The following MACROD2 variants were observed in gnomAD, a reference collection of about 807,000 sequenced individuals.
MACROD2 encodes the protein mono-ADP ribosylhydrolase 2, also known as ADP-ribose glycohydrolase MACROD2.
Under a neutral mutation model 70.4 loss-of-function variants are expected in MACROD2, and 36 were observed. That is an observed-to-expected ratio of 0.51 (90% CI 0.39 to 0.68). The LOEUF is 0.68. MACROD2 is among the 30% of genes least tolerant of loss of function. The pLI, the probability that MACROD2 is intolerant of heterozygous loss-of-function variation, is 0.00. For missense variants in MACROD2, 496 were observed against 538.4 expected, an observed-to-expected ratio of 0.92 and a Z score of 0.78; for synonymous variants, 172 against 178.8, an observed-to-expected ratio of 0.96 and a Z score of 0.30.
intron 3 of MACROD2, among the ~76,000 whole-genome samples, chr20:14,259,165 A>G (rs1215809690): frequency 6.6e-6 from 1 of 151,440 alleles, no homozygotes; most frequent in African/African-American, 2.4e-5. Context: ...CTGATCTTGA[A>G]CTCCTGACCG....
intron 8 of MACROD2, among the ~76,000 whole-genome samples, chr20:15,650,586 A>C (rs188964341): frequency 3.6e-4 from 54 of 151,766 alleles, no homozygotes; most frequent in African/African-American, 1.3e-3. Flanking sequence ...AGAACTTATA[A>C]ATATACATTT....
intron 5 of MACROD2, among the ~76,000 whole-genome samples, chr20:14,927,180 C>T (rs892125577): frequency 6.6e-6 from 1 of 152,116 alleles, no homozygotes; most frequent in Non-Finnish European, 1.5e-5. Flanking sequence ...CTAAGAGCTT[C>T]TTGCAATCAC....
In MACROD2 at chr20:14,666,671, A is replaced by G. The variant is rs887860903; in HGVS notation, c.302-18172A>G. Among the ~76,000 whole-genome samples, 3 of 151,706 alleles carry G rather than the reference A, an allele frequency of 2.0e-5. No homozygotes were observed. The East Asian group carries it at 5.8e-4, about 29-fold the overall frequency. ...TATGTCCCCAGCGCTTGACTTTTTG[A>G]GTTTCTTTTCTTAATATTTCAGTTC... On this transcript the variant is annotated intron_variant, in intron 4 of 17. Coordinates refer to ENST00000684519, the MANE Select transcript of MACROD2 (RefSeq NM_001351661.2).
chr20:15,565,805 C>A (rs1043278568), intron 8 of MACROD2, among the ~76,000 whole-genome samples: 2 of 152,096 alleles, frequency 1.3e-5, no homozygotes, highest in Admixed American at 6.5e-5. Context: ...CCAGGCTGGC[C>A]TCAAGTGACC....
At chr20:15,394,302 C>A (rs1263066669) in intron 6 of MACROD2, among the ~76,000 whole-genome samples, 1 of 152,196 alleles carries the variant, frequency 6.6e-6, no homozygotes, top group African/African-American at 2.4e-5. Context: ...AATTTTGGGT[C>A]TTTTCATATC....
At chr20:14,159,249 A>G (rs2055149255) in intron 3 of MACROD2, among the ~76,000 whole-genome samples, 1 of 152,220 alleles carries the variant, frequency 6.6e-6, no homozygotes, top group African/African-American at 2.4e-5. Flanking sequence ...AATAAAAAAG[A>G]AAAAGAAAAA....
intron 3 of MACROD2, among the ~76,000 whole-genome samples, chr20:14,472,512 C>T (rs1007807722): frequency 4.6e-5 from 7 of 152,012 alleles, no homozygotes; most frequent in African/African-American, 1.7e-4. Context: ...TTAATGTGGG[C>T]CTTGGGTAAA....
At chr20:15,059,606 T>C (rs980065986) in intron 5 of MACROD2, among the ~76,000 whole-genome samples, 1 of 152,168 alleles carries the variant, frequency 6.6e-6, no homozygotes, top group African/African-American at 2.4e-5. Flanking sequence ...AGTTTATCCC[T>C]TCTTTTCAAT....
chr20:14,779,445 G>A (rs1431100621), intron 5 of MACROD2, among the ~76,000 whole-genome samples: 2 of 152,100 alleles, frequency 1.3e-5, no homozygotes, highest in Non-Finnish European at 2.9e-5. Context: ...CTGCAAAGGA[G>A]TCCCTGTCAT....
intron 5 of MACROD2, among the ~76,000 whole-genome samples, chr20:14,831,779 TCAAAAAAAAAA>T (rs1327318419): frequency 3.7e-4 from 1 of 2,704 alleles, no homozygotes; most frequent in East Asian, 5.3e-3. Context: ...AAACTCCGTC[TCAAAAAAAAAA>T]AAAAAAAAAA....
chr20:14,178,464 A>G (rs554186237), intron 3 of MACROD2, among the ~76,000 whole-genome samples: 36 of 152,324 alleles, frequency 2.4e-4, no homozygotes, highest in African/African-American at 7.9e-4. Context: ...CACTTCTTTC[A>G]TATGAGAAAG....
At chr20:15,222,342 A>G (rs1348599107) in intron 5 of MACROD2, among the ~76,000 whole-genome samples, 1 of 152,238 alleles carries the variant, frequency 6.6e-6, no homozygotes, top group African/African-American at 2.4e-5. Flanking sequence ...CGAAATGTGT[A>G]TATGAAAACA....
At chr20:15,098,367 C>G (rs2075848936) in intron 5 of MACROD2, among the ~76,000 whole-genome samples, 1 of 152,174 alleles carries the variant, frequency 6.6e-6, no homozygotes, top group South Asian at 2.1e-4. Context: ...GGCTCTGTAG[C>G]TGCTCTCCTC....
intron 6 of MACROD2, among the ~76,000 whole-genome samples, chr20:15,401,026 T>C (rs2045921641): frequency 1.3e-5 from 2 of 150,808 alleles, no homozygotes; most frequent in Admixed American, 1.3e-4. Context: ...GTAACGGATC[T>C]GAAGGGCAGC....
chr20:14,319,052 T>C lies in MACROD2; in HGVS notation c.272-174427T>C, dbSNP rs907268014. 4.6e-5 allele frequency among the ~76,000 whole-genome samples: 7 copies of C among 152,348 alleles called. No homozygotes were observed. In the South Asian group the frequency reaches 6.2e-4, roughly 14 times the overall value. On this transcript the variant is annotated intron_variant, in intron 3 of 17. Coordinates refer to ENST00000684519, the MANE Select transcript of MACROD2 (RefSeq NM_001351661.2). ...ATCTCAAAAATGTTTTCTCCAAACA[T>C]GAAAGATGTGACTATGCTTCTGTCA...
rs139182140 is a variant in MACROD2 at position 14,736,332 on chromosome 20, G to A, written c.418+51373G>A. On this transcript the variant is annotated intron_variant, in intron 5 of 17. Coordinates refer to ENST00000684519, the MANE Select transcript of MACROD2 (RefSeq NM_001351661.2). ...GTGATTGCCAGAGGGAGACAGGAGT[G>A]GGGAGTGATTGCTTAATGGGTATGG... 1.6e-4 allele frequency among the ~76,000 whole-genome samples: 25 copies of A among 152,214 alleles called. No individual in the cohort carries two copies. In the East Asian group the frequency reaches 4.3e-3, roughly 26 times the overall value.
intron 3 of MACROD2, among the ~76,000 whole-genome samples, chr20:14,228,034 C>G (rs1435661739): frequency 2.6e-5 from 4 of 151,938 alleles, no homozygotes; most frequent in African/African-American, 9.7e-5. Context: ...TGTAAATTTT[C>G]TGATTTTGAT....
chr20:15,191,867 T>G (rs2076572548), intron 5 of MACROD2, among the ~76,000 whole-genome samples: 1 of 151,770 alleles, frequency 6.6e-6, no homozygotes, highest in Non-Finnish European at 1.5e-5. Flanking sequence ...GCATTTAAGT[T>G]ATATAACAAC....
chr20:14,020,366 G>T (rs976773476), intron 2 of MACROD2, among the ~76,000 whole-genome samples: 1 of 152,118 alleles, frequency 6.6e-6, no homozygotes, highest in Admixed American at 6.5e-5. Flanking sequence ...CCAGCTACTC[G>T]AGAGGCTGAG....
Sources: gnomAD v4.1 joint callset for allele counts (sites outside exome capture counted in the v4.1 genomes callset) on GRCh38, gnomAD v4.1.1 for gene constraint, MANE v1.5 for transcripts, NCBI Gene and HGNC (gene_info 2026-07-23, HGNC 2026-07-21) for gene names.